The following UMAD1 variants were observed in gnomAD, a reference collection of about 807,000 sequenced individuals.
UMAD1 encodes UBAP1-MVB12-associated (UMA)-domain containing protein 1.
UMAD1 carries 8 observed loss-of-function variants against 6.1 expected under a neutral mutation model. The observed-to-expected ratio is 1.30, with a 90% CI of 0.76 to 2.35. The LOEUF is 2.35. Ranked by LOEUF, UMAD1 falls within the 30% of genes most tolerant of loss-of-function variation. The probability of loss-of-function intolerance (pLI) is 0.00; values close to 1 mark genes in which losing one functional copy is unlikely to be tolerated. For missense variants in UMAD1, 130 were observed against 78.4 expected (o/e 1.66, Z -2.49); for synonymous variants, 56 against 31.4 (o/e 1.78, Z -2.61).
intron 2 of UMAD1, among the ~76,000 whole-genome samples, chr7:7,748,767 A>G (rs886843121): frequency 1.3e-5 from 2 of 151,782 alleles, no homozygotes; most frequent in Non-Finnish European, 2.9e-5. Context: ...ATATATTTGT[A>G]TATATAAAAA....
intron 3 of UMAD1, among the ~76,000 whole-genome samples, chr7:7,835,406 T>TA (rs1209057960): frequency 7.7e-5 from 11 of 143,416 alleles, no homozygotes; most frequent in East Asian, 4.1e-4. Context: ...TTTTTTGCTT[T>TA]AAAAAAAAAT....
At chr7:7,678,136 G>C (rs1222102563) in intron 2 of UMAD1, among the ~76,000 whole-genome samples, 2 of 21,516 alleles carry the variant, frequency 9.3e-5, no homozygotes, top group Non-Finnish European at 1.6e-4. Flanking sequence ...TAGTAGTTCT[G>C]TTTTTAGTTT....
intron 3 of UMAD1, among the ~76,000 whole-genome samples, chr7:7,823,686 C>T (rs1209626086): frequency 2.0e-5 from 3 of 151,810 alleles, no homozygotes; most frequent in Non-Finnish European, 4.4e-5. Flanking sequence ...AACATATTAG[C>T]GTATATATTT....
chr7:7,813,099 C>T (rs73357495), intron 3 of UMAD1, among the ~76,000 whole-genome samples: 1,908 of 152,192 alleles, frequency 0.013, 44 homozygotes, highest in African/African-American at 0.044. Flanking sequence ...CATGAGTGCA[C>T]CAGCATGAAT....
Position 7,677,696 on chromosome 7 carries a change from C to T in UMAD1, c.82+4243C>T, listed in dbSNP as rs1457488410. 1.9e-4 allele frequency among the ~76,000 whole-genome samples: 20 copies of T among 104,204 alleles called. No homozygotes were observed. The South Asian group carries it at 2.9e-3, about 15-fold the overall frequency. 68.4% of individuals were successfully genotyped at this position (104,204 alleles called of 152,430 possible). On this transcript the variant is annotated intron_variant, in intron 2 of 3. Transcript: ENST00000682710. ...TTTTTTTTTTTTTTTTTTTTTGAGACGGAGTCTCGCTCTGTCGCCCAGGCT... is the reference window on the plus strand; with the variant it reads ...TTTTTTTTTTTTTTTTTTTTTGAGATGGAGTCTCGCTCTGTCGCCCAGGCT...
At chr7:7,681,896 C>T (rs1779921995) in intron 2 of UMAD1, among the ~76,000 whole-genome samples, 1 of 151,832 alleles carries the variant, frequency 6.6e-6, no homozygotes, top group African/African-American at 2.4e-5. Context: ...TAATTCCTTC[C>T]AAAACTAAGA....
intron 2 of UMAD1, among the ~76,000 whole-genome samples, chr7:7,737,056 CT>C (rs1781373631): frequency 6.6e-6 from 1 of 152,266 alleles, no homozygotes. Context: ...GGCCATGCCC[CT>C]GTCCAGTAGG....
At chr7:7,722,298 A>G (rs1781065501) in intron 2 of UMAD1, among the ~76,000 whole-genome samples, 1 of 151,954 alleles carries the variant, frequency 6.6e-6, no homozygotes, top group South Asian at 2.1e-4. Context: ...CAGAATATTA[A>G]GGATGGAGTT....
At chr7:7,650,891 C>G (rs1247836559) in intron 1 of UMAD1, among the ~76,000 whole-genome samples, 1 of 152,160 alleles carries the variant, frequency 6.6e-6, no homozygotes, top group Non-Finnish European at 1.5e-5. Context: ...CTGTCCCTCC[C>G]CAACACTTTA....
intron 2 of UMAD1, among the ~76,000 whole-genome samples, chr7:7,741,821 A>G (rs1781474220): frequency 6.6e-6 from 1 of 152,002 alleles, no homozygotes; most frequent in African/African-American, 2.4e-5. Context: ...GTAAAACTTA[A>G]GTAAAAGGCT....
intron 2 of UMAD1, among the ~76,000 whole-genome samples, chr7:7,765,467 TAAAC>T (rs1456820503): frequency 1.3e-5 from 2 of 152,254 alleles, no homozygotes; most frequent in African/African-American, 4.8e-5. Flanking sequence ...TTTATCATAT[TAAAC>T]AAATTTAATA....
At chr7:7,828,581 C>G (rs1183005424) in intron 3 of UMAD1, among the ~76,000 whole-genome samples, 1 of 152,190 alleles carries the variant, frequency 6.6e-6, no homozygotes, top group East Asian at 1.9e-4. Flanking sequence ...TCTGTGTGTA[C>G]ACACGCATGC....
intron 2 of UMAD1, among the ~76,000 whole-genome samples, chr7:7,751,522 A>G (rs1181126494): frequency 6.6e-6 from 1 of 152,178 alleles, no homozygotes; most frequent in Non-Finnish European, 1.5e-5. Context: ...AAGTCAGGGA[A>G]ACTAAATTAG....
intron 2 of UMAD1, among the ~76,000 whole-genome samples, chr7:7,726,282 C>T (rs1385429575): frequency 1.3e-5 from 2 of 152,342 alleles, no homozygotes; most frequent in Non-Finnish European, 1.5e-5. Flanking sequence ...CCTTATCCAC[C>T]ATCATGGTAT....
chr7:7,681,009 C>T (rs1039443861), intron 2 of UMAD1, among the ~76,000 whole-genome samples: 2 of 151,830 alleles, frequency 1.3e-5, no homozygotes, highest in Non-Finnish European at 2.9e-5. Context: ...GTGTGCAATA[C>T]GTACATTACA....
intron 2 of UMAD1, among the ~76,000 whole-genome samples, chr7:7,768,841 A>G (rs531456143): frequency 1.0e-3 from 152 of 152,304 alleles, no homozygotes; most frequent in African/African-American, 3.3e-3. Context: ...CCAGACAGTA[A>G]GCGTCTTATG....
chr7:7,655,178 C>T (rs1252830751), intron 1 of UMAD1, among the ~76,000 whole-genome samples: 2 of 152,066 alleles, frequency 1.3e-5, no homozygotes, highest in Non-Finnish European at 2.9e-5. Flanking sequence ...TGCCTCTGGC[C>T]TGCTCTCCAT....
At chr7:7,737,471 A>G (rs1206931867) in intron 2 of UMAD1, among the ~76,000 whole-genome samples, 1 of 152,226 alleles carries the variant, frequency 6.6e-6, no homozygotes. Flanking sequence ...GCATTATTCA[A>G]TCACAAGAAC....
At chr7:7,736,174 C>T (rs939401137) in intron 2 of UMAD1, 2 of 152,246 alleles carry the variant, frequency 1.3e-5, no homozygotes, top group African/African-American at 4.8e-5. Flanking sequence ...TCTTAGTAGT[C>T]ATTTCTCTCT....
Sources: gnomAD v4.1 joint callset for allele counts (sites outside exome capture counted in the v4.1 genomes callset) on GRCh38, gnomAD v4.1.1 for gene constraint, MANE v1.5 for transcripts, NCBI Gene and HGNC (gene_info 2026-07-23, HGNC 2026-07-21) for gene names.